The following TENM4 variants were observed in gnomAD, a reference collection of about 807,000 sequenced individuals.
TENM4 encodes teneurin transmembrane protein 4, also known as teneurin-4.
In TENM4, 82 loss-of-function variants were observed where a neutral mutation model predicts 243.3. The observed-to-expected ratio is 0.34, with a 90% CI of 0.28 to 0.40. TENM4 has a LOEUF of 0.40. TENM4 is among the 10% of genes least tolerant of loss of function. The pLI is 1.00. For missense variants in TENM4, 3,138 were observed against 3,673.3 expected, an observed-to-expected ratio of 0.85 and a Z score of 3.77; for synonymous variants, 1,412 against 1,456.3, an observed-to-expected ratio of 0.97 and a Z score of 0.69.
chr11:78,700,301 T>C (rs1311149975), intron 28 of TENM4, among the ~76,000 whole-genome samples: 2 of 152,212 alleles, frequency 1.3e-5, no homozygotes. Context: ...TGGACTGCGA[T>C]CCCTGTTCTG....
chr11:79,281,293 A>C (rs563718913), intron 2 of TENM4, among the ~76,000 whole-genome samples: 2 of 152,246 alleles, frequency 1.3e-5, no homozygotes, highest in Non-Finnish European at 2.9e-5. Context: ...GAGACTCAGA[A>C]AGTTCACTGA....
intron 33 of TENM4, among the ~76,000 whole-genome samples, chr11:78,659,702 C>A (rs1857983846): frequency 6.6e-6 from 1 of 152,210 alleles, no homozygotes; most frequent in South Asian, 2.1e-4. Context: ...GGCCTCTGCC[C>A]CACCGTGCTT....
At chr11:79,285,703 A>G (rs1200773897) in intron 2 of TENM4, among the ~76,000 whole-genome samples, 1 of 151,972 alleles carries the variant, frequency 6.6e-6, no homozygotes, top group Non-Finnish European at 1.5e-5. Context: ...TAAAGTATTG[A>G]TTCATGCCTA....
At chr11:79,330,636 T>G (rs1183285044) in intron 1 of TENM4, among the ~76,000 whole-genome samples, 2 of 152,148 alleles carry the variant, frequency 1.3e-5, no homozygotes, top group South Asian at 4.1e-4. Context: ...TGGGAAATAA[T>G]ATAACAGCCA....
At chr11:79,214,131 A>G (rs1010953077) in intron 3 of TENM4, among the ~76,000 whole-genome samples, 3 of 151,994 alleles carry the variant, frequency 2.0e-5, no homozygotes, top group Non-Finnish European at 4.4e-5. Flanking sequence ...AGCTGGGACT[A>G]CAGGTACCTG....
At chr11:78,689,761 T>TGCCTGA (rs1213671875) in intron 28 of TENM4, among the ~76,000 whole-genome samples, 4 of 152,252 alleles carry the variant, frequency 2.6e-5, no homozygotes, top group Non-Finnish European at 5.9e-5. Context: ...ACTGTTTCCG[T>TGCCTGA]GCCTGAGCCT....
chr11:79,408,343 C>T (rs759681720), intron 1 of TENM4, among the ~76,000 whole-genome samples: 8 of 152,200 alleles, frequency 5.3e-5, no homozygotes, highest in Admixed American at 1.3e-4. Context: ...GCTGCTGGTC[C>T]GGAGACCACA....
At chr11:78,690,741 T>C (rs775380229) in intron 28 of TENM4, among the ~76,000 whole-genome samples, 1 of 152,202 alleles carries the variant, frequency 6.6e-6, no homozygotes, top group Non-Finnish European at 1.5e-5. Context: ...CTGTGATTCA[T>C]GATTAAGCTG....
intron 3 of TENM4, among the ~76,000 whole-genome samples, chr11:79,165,751 C>G (rs943668439): frequency 2.0e-5 from 3 of 152,088 alleles, no homozygotes; most frequent in African/African-American, 7.2e-5. Flanking sequence ...ATGTTATCTT[C>G]GAGAATTTTT....
chr11:79,355,601 C>T (rs1214065342), intron 1 of TENM4, among the ~76,000 whole-genome samples: 2 of 152,224 alleles, frequency 1.3e-5, no homozygotes, highest in Non-Finnish European at 2.9e-5. Context: ...TCTGTTTACA[C>T]CAAAGGCCAT....
intron 1 of TENM4, among the ~76,000 whole-genome samples, chr11:79,417,898 G>A (rs1187436732): frequency 6.6e-6 from 1 of 152,102 alleles, no homozygotes; most frequent in Non-Finnish European, 1.5e-5. Context: ...CCAGTAATAA[G>A]AAGTTCTCTC....
chr11:79,368,323 G>A (rs1241401132), intron 1 of TENM4, among the ~76,000 whole-genome samples: 1 of 152,252 alleles, frequency 6.6e-6, no homozygotes, highest in East Asian at 1.9e-4. Context: ...GCCACAGTTA[G>A]CATTTGTGAT....
chr11:79,238,664 T>TTCTC (rs61547277), intron 2 of TENM4, among the ~76,000 whole-genome samples: 42 of 149,754 alleles, frequency 2.8e-4, no homozygotes, highest in African/African-American at 8.1e-4. Flanking sequence ...ATAAATCTCT[T>TTCTC]TCTCTCTCTC....
intron 4 of TENM4, among the ~76,000 whole-genome samples, chr11:79,136,472 C>T (rs1429944207): frequency 6.6e-6 from 1 of 152,162 alleles, no homozygotes; most frequent in African/African-American, 2.4e-5. Context: ...CTTACACTCA[C>T]CAAGAGTGGC....
At chr11:79,254,075 C>T (rs61882125) in intron 2 of TENM4, among the ~76,000 whole-genome samples, 47,881 of 152,044 alleles carry the variant, frequency 0.31, 8,429 homozygotes, top group East Asian at 0.56. Flanking sequence ...CATATGCTGT[C>T]GATGGGAGTG....
chr11:79,187,117 T>TA (rs1863393917), intron 3 of TENM4, among the ~76,000 whole-genome samples: 1 of 152,226 alleles, frequency 6.6e-6, no homozygotes, highest in Non-Finnish European at 1.5e-5. Flanking sequence ...CACACTGCTC[T>TA]AATGATATGA....
intron 9 of TENM4, among the ~76,000 whole-genome samples, chr11:78,882,141 G>A (rs1376388029): frequency 6.6e-6 from 1 of 152,136 alleles, no homozygotes; most frequent in Admixed American, 6.5e-5. Context: ...GAGCCTTACT[G>A]CACACAAATA....
At chr11:79,220,012 G>C (rs1049420869) in intron 2 of TENM4, among the ~76,000 whole-genome samples, 2 of 152,226 alleles carry the variant, frequency 1.3e-5, no homozygotes, top group Non-Finnish European at 2.9e-5. Context: ...TCTCGGCTAA[G>C]CCGTGGTACC....
intron 2 of TENM4, among the ~76,000 whole-genome samples, chr11:79,250,125 A>G (rs1428811253): frequency 2.0e-5 from 3 of 152,274 alleles, no homozygotes; most frequent in East Asian, 1.9e-4. Flanking sequence ...AGCTGGGATT[A>G]CAGGTGAGCA....
Sources: gnomAD v4.1 joint callset for allele counts (sites outside exome capture counted in the v4.1 genomes callset) on GRCh38, gnomAD v4.1.1 for gene constraint, MANE v1.5 for transcripts, NCBI Gene and HGNC (gene_info 2026-07-23, HGNC 2026-07-21) for gene names.